Variants in PCDHGA2 observed in about 807,000 individuals in gnomAD.
PCDHGA2 encodes the protein protocadherin gamma subfamily A, 2.
A neutral mutation model predicts 59.2 loss-of-function variants in PCDHGA2; 40 were observed. The ratio of observed to expected loss-of-function variants is 0.68; its 90% confidence interval spans 0.52 to 0.88. The LOEUF (loss-of-function observed/expected upper bound fraction) is 0.88, where lower values mean the gene tolerates loss of function less well. Among genes scored for constraint, PCDHGA2 ranks in the 40% least tolerant of loss-of-function variants. The pLI is 0.00. For synonymous variants in PCDHGA2, 560 were observed against 526.0 expected (o/e 1.06, Z -0.89); for missense variants, 1,226 against 1,204.0 (o/e 1.02, Z -0.27).
intron 1 of PCDHGA2, chr5:141,399,601 C>T: frequency 6.2e-7 from 1 of 1,613,986 alleles, no homozygotes; most frequent in South Asian, 1.1e-5. Context: ...GGCCAGCGAC[C>T]TAGAGCCTCT....
intron 2 of PCDHGA2, among the ~76,000 whole-genome samples, chr5:141,499,256 A>G (rs371266271): frequency 6.6e-6 from 1 of 151,968 alleles, no homozygotes; most frequent in Non-Finnish European, 1.5e-5. Context: ...AAGAGTCTCC[A>G]TTTGGTCCCT....
intron 1 of PCDHGA2, among the ~76,000 whole-genome samples, chr5:141,347,664 G>A (rs1036942493): frequency 5.9e-5 from 9 of 151,908 alleles, no homozygotes; most frequent in African/African-American, 2.2e-4. Flanking sequence ...GTGGGCGCCT[G>A]TAATCCAAGC....
chr5:141,423,437 C>CACGT (rs766166209), intron 1 of PCDHGA2: 1 of 1,613,952 alleles, frequency 6.2e-7, no homozygotes, highest in Non-Finnish European at 8.5e-7. Context: ...GCAGGTATGC[C>CACGT]CACGTCACAT....
rs773688197 is a variant in PCDHGA2 at position 141,432,412 on chromosome 5, C to A, written c.2425-62395C>A. 2.5e-6 allele frequency: 4 copies of A among 1,614,128 alleles called. No homozygotes were observed. The Admixed American group carries it at 6.7e-5, about 27-fold the overall frequency. On this transcript the variant is annotated intron_variant, in intron 1 of 3. Transcript: ENST00000394576. The surrounding 1 kb of genome is among the most constrained non-coding windows in gnomAD (Gnocchi z 6.0). ...GCAGCAACGTGTCGTTGAGCCTGTT[C>A]GTGCTGGACCAGAACGACAATGCGC...
Position 141,491,755 on chromosome 5 carries a change from G to T in PCDHGA2, c.2425-3052G>T, listed in dbSNP as rs1402188587. 3 of 1,582,078 alleles carry T rather than the reference G, an allele frequency of 1.9e-6. No individual in the cohort carries two copies. Among genetic ancestry groups the T allele is most frequent in the Non-Finnish European group, 2.6e-6 (3 of 1,165,458 alleles). On this transcript the variant is annotated intron_variant, in intron 1 of 3. Coordinates refer to ENST00000394576, the MANE Select transcript of PCDHGA2 (RefSeq NM_018915.4). This position sits in a 1 kb window ranked among gnomAD's most constrained non-coding sequence, Gnocchi z 6.9. ...CCCTGGGGGCGGCACTGGAGAAGCC[G>T]CCCGTCCTCATAAGGGATTGAACTT...
chr5:141,384,753 G>A, intron 1 of PCDHGA2: 2 of 1,614,010 alleles, frequency 1.2e-6, no homozygotes, highest in Non-Finnish European at 1.7e-6. Flanking sequence ...GACTCTTTGC[G>A]GTTGGGCTGT....
intron 1 of PCDHGA2, chr5:141,374,475 C>A: frequency 6.2e-7 from 1 of 1,612,136 alleles, no homozygotes; most frequent in Non-Finnish European, 8.5e-7. Flanking sequence ...GACAATACAC[C>A]CCGATTCTTA....
At chr5:141,361,204 C>T (rs977758534) in intron 1 of PCDHGA2, 9 of 1,613,832 alleles carry the variant, frequency 5.6e-6, no homozygotes, top group Non-Finnish European at 7.6e-6. Flanking sequence ...TACTCCCCTA[C>T]CGGAGGATTC....
chr5:141,403,754 G>A (rs2094451238), intron 1 of PCDHGA2: 1 of 1,613,768 alleles, frequency 6.2e-7, no homozygotes, highest in African/African-American at 1.3e-5. Flanking sequence ...AACAGCCAGC[G>A]ACCTGGATGA....
intron 1 of PCDHGA2, among the ~76,000 whole-genome samples, chr5:141,482,435 A>G (rs2099559555): frequency 6.6e-6 from 1 of 150,568 alleles, no homozygotes; most frequent in South Asian, 2.1e-4. Flanking sequence ...GATAATACTG[A>G]TATTCACCAT....
At chr5:141,364,373 CTGCCCT>C in intron 1 of PCDHGA2, 1 of 1,572,690 alleles carries the variant, frequency 6.4e-7, no homozygotes, top group South Asian at 1.2e-5. Flanking sequence ...AGAGCTGCTG[CTGCCCT>C]TCATGCTCCT....
intron 2 of PCDHGA2, among the ~76,000 whole-genome samples, chr5:141,503,239 C>G (rs1364808315): frequency 6.6e-6 from 1 of 152,088 alleles, no homozygotes; most frequent in Non-Finnish European, 1.5e-5. Flanking sequence ...TGGACAGTTT[C>G]TATCATACTC....
intron 1 of PCDHGA2, chr5:141,359,926 C>T: frequency 2.2e-6 from 1 of 454,778 alleles, no homozygotes; most frequent in Non-Finnish European, 3.7e-6. Flanking sequence ...CCTGAGAAAA[C>T]CTCTGAGCGT....
chr5:141,371,825 G>A (rs1239561889), intron 1 of PCDHGA2: 1 of 1,613,792 alleles, frequency 6.2e-7, no homozygotes, highest in Non-Finnish European at 8.5e-7. Context: ...TCAGAGCCTC[G>A]GATCCCGACT....
At chr5:141,461,178 G>A (rs2154567263) in intron 1 of PCDHGA2, among the ~76,000 whole-genome samples, 1 of 152,144 alleles carries the variant, frequency 6.6e-6, no homozygotes, top group East Asian at 1.9e-4. Context: ...TGGATTGAAT[G>A]GTAGATCTGT....
chr5:141,487,429 C>A lies in PCDHGA2; in HGVS notation c.2425-7378C>A. 1 of 1,614,162 alleles carries A rather than the reference C, an allele frequency of 6.2e-7. No individual in the cohort carries two copies. Among genetic ancestry groups the A allele is most frequent in the Non-Finnish European group, 8.5e-7 (1 of 1,180,018 alleles). On this transcript the variant is annotated intron_variant, in intron 1 of 3. Transcript: ENST00000394576. The surrounding 1 kb of genome is among the most constrained non-coding windows in gnomAD (Gnocchi z 5.0). ...CCCCTTCCAATGGGATCCTCCGAAT[C>A]CAGCTAGGGTCAGATGACCCTATCA...
chr5:141,494,439 C>T (rs1009257996), intron 1 of PCDHGA2, among the ~76,000 whole-genome samples: 1 of 152,126 alleles, frequency 6.6e-6, no homozygotes, highest in Non-Finnish European at 1.5e-5. Flanking sequence ...CCTCCTTTGC[C>T]ACTTTAGGGG....
At position 141,493,396 on chromosome 5, in the gene PCDHGA2, G is replaced by A. The variant is rs562217310; in HGVS notation, c.2425-1411G>A. 1.3e-5 allele frequency among the ~76,000 whole-genome samples: 2 copies of A among 152,274 alleles called. No homozygotes were observed. Among genetic ancestry groups the A allele is most frequent in the East Asian group, 3.9e-4 (2 of 5,178 alleles). The stretch of plus-strand genomic sequence containing the variant: ...TTTAAAAGCTTGAGGACAGGAGAGG[G>A]GAGTTGCCTCTGCTGGGATTTTGCT... On this transcript the variant is annotated intron_variant, in intron 1 of 3. Transcript: ENST00000394576. This position sits in a 1 kb window ranked among gnomAD's most constrained non-coding sequence, Gnocchi z 4.3.
At chr5:141,447,642 T>G (rs1275164919) in intron 1 of PCDHGA2, among the ~76,000 whole-genome samples, 2 of 152,166 alleles carry the variant, frequency 1.3e-5, no homozygotes, top group Non-Finnish European at 2.9e-5. Flanking sequence ...TGAATGATGG[T>G]AGAATTTTCC....
Sources: gnomAD v4.1 joint callset for allele counts (sites outside exome capture counted in the v4.1 genomes callset) on GRCh38, gnomAD v4.1.1 for gene constraint, Gnocchi (gnomAD v3.1) non-coding constraint, MANE v1.5 for transcripts, NCBI Gene and HGNC (gene_info 2026-07-23, HGNC 2026-07-21) for gene names.